SPTLC2: variants seen among roughly 807,000 people sequenced by gnomAD.
The protein encoded by SPTLC2 is serine palmitoyltransferase 2.
A neutral mutation model predicts 62.0 loss-of-function variants in SPTLC2; 21 were observed. The observed-to-expected ratio is 0.34, with a 90% CI of 0.24 to 0.49. The LOEUF is 0.49. Among genes scored for constraint, SPTLC2 ranks in the 20% least tolerant of loss-of-function variants. The pLI is 0.99. For missense variants in SPTLC2, 511 were observed against 713.0 expected (o/e 0.72, Z 3.23); for synonymous variants, 261 against 261.8 (o/e 1.00, Z 0.03).
At chr14:77,579,157 TA>T in intron 2 of SPTLC2, 48 bp from the exon 3 acceptor site, 1 of 1,598,750 alleles carries the variant, frequency 6.3e-7, no homozygotes. Flanking sequence ...GTTACTTTAT[TA>T]AAAAATTTTT....
chr14:77,538,575 T>A (rs936324065), intron 9 of SPTLC2, among the ~76,000 whole-genome samples: 6 of 152,082 alleles, frequency 3.9e-5, no homozygotes, highest in Non-Finnish European at 7.4e-5. Flanking sequence ...TGGTTCTATA[T>A]AAACTTTTTT....
chr14:77,594,493 G>C (rs1012813416), intron 2 of SPTLC2, among the ~76,000 whole-genome samples: 2 of 152,176 alleles, frequency 1.3e-5, no homozygotes, highest in African/African-American at 4.8e-5. Flanking sequence ...GGTCATGGTG[G>C]CTCACTCCTA....
chr14:77,570,956 G>A (rs1226332014), intron 4 of SPTLC2, among the ~76,000 whole-genome samples: 1 of 152,174 alleles, frequency 6.6e-6, no homozygotes, highest in African/African-American at 2.4e-5. Flanking sequence ...AAGACGTAAG[G>A]AGAGGGGGAG....
chr14:77,615,179 C>A (rs1296345703), intron 1 of SPTLC2, among the ~76,000 whole-genome samples: 1 of 152,192 alleles, frequency 6.6e-6, no homozygotes, highest in African/African-American at 2.4e-5. Context: ...CTCCCTCACA[C>A]AATTATTTCT....
At chr14:77,566,944 A>G (rs1008296625) in intron 5 of SPTLC2, among the ~76,000 whole-genome samples, 7 of 152,142 alleles carry the variant, frequency 4.6e-5, no homozygotes, top group Non-Finnish European at 7.3e-5. Flanking sequence ...ATATTTAATA[A>G]TATTTCAATT....
chr14:77,608,067 G>GTGCC (rs1052497411), intron 1 of SPTLC2, among the ~76,000 whole-genome samples: 2 of 152,186 alleles, frequency 1.3e-5, no homozygotes, highest in Non-Finnish European at 2.9e-5. Flanking sequence ...AATGGAGAGG[G>GTGCC]TGCCGCAAAA....
intron 2 of SPTLC2, among the ~76,000 whole-genome samples, chr14:77,580,576 G>T (rs1595002969): frequency 7.0e-6 from 1 of 142,008 alleles, no homozygotes; most frequent in Admixed American, 7.1e-5. Context: ...AAAAAAAAGA[G>T]GCCAGGTACA....
At chr14:77,520,867 G>C (rs2079381949) in intron 10 of SPTLC2, among the ~76,000 whole-genome samples, 1 of 152,160 alleles carries the variant, frequency 6.6e-6, no homozygotes, top group Non-Finnish European at 1.5e-5. Flanking sequence ...CAATTCCAGG[G>C]ACCTCTTTGC....
intron 5 of SPTLC2, 34 bp downstream of exon 5, chr14:77,570,350 T>A (rs777007434): frequency 6.2e-7 from 1 of 1,608,422 alleles, no homozygotes; most frequent in African/African-American, 1.3e-5. Flanking sequence ...AAGATATACA[T>A]GAGGGAGTTT....
chr14:77,580,100 G>A lies in SPTLC2; in HGVS notation c.328-991C>T, dbSNP rs138349164. The stretch of plus-strand genomic sequence containing the variant: ...CCAAGAAAAACAATTCCAAAATTAA[G>A]ATTCCATCCTTTGCATATTTTCAAG... On this transcript the variant is annotated intron_variant, in intron 2 of 11. Coordinates refer to ENST00000216484, the MANE Select transcript of SPTLC2 (RefSeq NM_004863.4). Among the ~76,000 whole-genome samples, 468 of 152,198 alleles carry A rather than the reference G, an allele frequency of 3.1e-3. 2 individuals are homozygous for A. The highest frequency in any genetic ancestry group is 0.01 in the Middle Eastern group (3 of 294).
At chr14:77,532,656 C>T (rs935096639) in intron 9 of SPTLC2, among the ~76,000 whole-genome samples, 10 of 151,804 alleles carry the variant, frequency 6.6e-5, no homozygotes, top group South Asian at 2.1e-4. Context: ...TGGTGGCAGG[C>T]GCCTGTAGTC....
intron 11 of SPTLC2, among the ~76,000 whole-genome samples, chr14:77,516,959 G>C: frequency 6.6e-6 from 1 of 152,208 alleles, no homozygotes. Flanking sequence ...TTTAGGATTA[G>C]TAGCTCTTGC....
intron 1 of SPTLC2, among the ~76,000 whole-genome samples, chr14:77,605,591 T>C (rs1213207507): frequency 6.6e-5 from 10 of 152,218 alleles, no homozygotes; most frequent in Admixed American, 6.5e-4. Flanking sequence ...CTTGTGGTAC[T>C]TGTAGAGCTT....
In SPTLC2 at chr14:77,576,791, C is replaced by T; in HGVS notation, c.607G>A (p.Val203Met). 1 of 1,614,216 alleles carries T rather than the reference C, an allele frequency of 6.2e-7. No individual in the cohort carries two copies. Among genetic ancestry groups the T allele is most frequent in the Non-Finnish European group, 8.5e-7 (1 of 1,180,040 alleles). ...CCAATTTCCTGCCGAGTACTGCACACTCCAGCTCCATACTCCTCAAGGACT... is the reference window on the plus strand; with the variant it reads ...CCAATTTCCTGCCGAGTACTGCACATTCCAGCTCCATACTCCTCAAGGACT... ...AKVLEEYGAGVCSTRQEIGNL... is the reference protein window; with the variant it reads ...AKVLEEYGAGMCSTRQEIGNL... The change falls in exon 4 of 12, where the codon GTG becomes ATG. Residue 203 changes from valine to methionine, a missense_variant. By Grantham distance (21) the Val-to-Met change is conservative. Transcript: ENST00000216484.
chr14:77,608,597 G>A (rs176896), intron 1 of SPTLC2, among the ~76,000 whole-genome samples: 13,641 of 152,126 alleles, frequency 0.09, 820 homozygotes, highest in Admixed American at 0.18. Context: ...CAACAGATAA[G>A]CAAATAGATA....
chr14:77,560,954 C>A (rs749170831), intron 6 of SPTLC2, among the ~76,000 whole-genome samples: 12 of 150,802 alleles, frequency 8.0e-5, no homozygotes, highest in Non-Finnish European at 1.3e-4. Flanking sequence ...ATAATCTGTA[C>A]ACAAACCCCC....
chr14:77,584,149 C>T (rs2079768685), intron 2 of SPTLC2, among the ~76,000 whole-genome samples: 2 of 152,150 alleles, frequency 1.3e-5, no homozygotes, highest in South Asian at 4.1e-4. Flanking sequence ...ACTGGTTAAG[C>T]CTATTTAAGG....
At chr14:77,569,693 G>A (rs1391831952) in intron 5 of SPTLC2, among the ~76,000 whole-genome samples, 1 of 149,216 alleles carries the variant, frequency 6.7e-6, no homozygotes, top group East Asian at 1.9e-4. Flanking sequence ...GTACCAATCT[G>A]CTGAAATATA....
At chr14:77,526,647 G>A (rs1335099204) in intron 9 of SPTLC2, among the ~76,000 whole-genome samples, 1 of 152,114 alleles carries the variant, frequency 6.6e-6, no homozygotes. Flanking sequence ...ACAGAGAAAA[G>A]TAAATATGTA....
Sources: allele counts gnomAD v4.1 joint callset (sites outside exome capture counted in the v4.1 genomes callset), GRCh38; gene constraint gnomAD v4.1.1; transcripts MANE v1.5; gene names NCBI Gene and HGNC (gene_info 2026-07-23, HGNC 2026-07-21).